Variants in MIR2052HG observed in about 807,000 individuals in gnomAD.
The protein encoded by MIR2052HG is MIR2052 host gene.
At chr8:74,606,897 C>T (rs1808119185) in intron 1 of MIR2052HG, among the ~76,000 whole-genome samples, 1 of 150,830 alleles carries the variant, frequency 6.6e-6, no homozygotes, top group African/African-American at 2.4e-5. Context: ...TAGTATGTAA[C>T]AAAGAAAAAA....
intron 2 of MIR2052HG, among the ~76,000 whole-genome samples, chr8:74,635,548 A>G (rs1423087281): frequency 6.6e-6 from 1 of 152,198 alleles, no homozygotes; most frequent in East Asian, 1.9e-4. Context: ...CCACTTGGCT[A>G]GAGTCGAGGG....
intron 4 of MIR2052HG, among the ~76,000 whole-genome samples, chr8:74,714,018 T>C (rs1809496747): frequency 6.6e-6 from 1 of 152,050 alleles, no homozygotes; most frequent in Non-Finnish European, 1.5e-5. Context: ...GACTCTCTCT[T>C]AGGAGATTCC....
chr8:74,658,663 G>C (rs1012782326), intron 2 of MIR2052HG, among the ~76,000 whole-genome samples: 3 of 152,216 alleles, frequency 2.0e-5, no homozygotes, highest in Admixed American at 2.0e-4. Context: ...GGGATTACAA[G>C]TGTGAACCAC....
intron 1 of MIR2052HG, among the ~76,000 whole-genome samples, chr8:74,600,942 T>C (rs1340881501): frequency 6.6e-6 from 1 of 152,190 alleles, no homozygotes; most frequent in Non-Finnish European, 1.5e-5. Flanking sequence ...ACATAGGTCT[T>C]ACTGGCCCTA....
chr8:74,687,743 T>C (rs1325963262), intron 2 of MIR2052HG, among the ~76,000 whole-genome samples: 4 of 152,134 alleles, frequency 2.6e-5, no homozygotes, highest in Admixed American at 2.6e-4. Context: ...AAAGAAGTTA[T>C]AGAGATCTGC....
At position 74,639,414 on chromosome 8, in the gene MIR2052HG, A is replaced by G. The variant is rs573654745; in HGVS notation, n.216+26474A>G. On this transcript the variant is annotated intron_variant and non_coding_transcript_variant, in intron 2 of 6. Transcript: ENST00000523442. ...CTTTCCTTTCATCATTTGGGCATAC[A>G]TATCCTAATAATCCAGAAAGTTTTT... 5.3e-5 allele frequency among the ~76,000 whole-genome samples: 8 copies of G among 152,306 alleles called. No homozygotes were observed. In the South Asian group the frequency reaches 1.7e-3, roughly 32 times the overall value.
intron 2 of MIR2052HG, among the ~76,000 whole-genome samples, chr8:74,700,325 G>T: frequency 6.6e-6 from 1 of 152,122 alleles, no homozygotes; most frequent in East Asian, 1.9e-4. Context: ...TATAAATTTG[G>T]AGTAGTTAAT....
rs558589518 is a variant in MIR2052HG at position 74,649,926 on chromosome 8, A to C, written n.216+36986A>C. Among the ~76,000 whole-genome samples, 5 of 152,164 alleles carry C rather than the reference A, an allele frequency of 3.3e-5. No individual in the cohort carries two copies. In the East Asian group the frequency reaches 7.7e-4, roughly 24 times the overall value. ...TCTAACCTTCATTATGCTTGCTTTTATTATTCCTATAAAGTGTCCTTCTAC... is the reference window on the plus strand; with the variant it reads ...TCTAACCTTCATTATGCTTGCTTTTCTTATTCCTATAAAGTGTCCTTCTAC... On this transcript the variant is annotated intron_variant and non_coding_transcript_variant, in intron 2 of 6. Transcript: ENST00000523442.
intron 1 of MIR2052HG, among the ~76,000 whole-genome samples, chr8:74,610,617 A>G (rs369179530): frequency 1.2e-3 from 178 of 152,100 alleles, no homozygotes; most frequent in Non-Finnish European, 2.1e-3. Flanking sequence ...TAAAGCTACA[A>G]TAATCAAAGC....
intron 1 of MIR2052HG, among the ~76,000 whole-genome samples, chr8:74,602,680 T>G (rs988323348): frequency 2.8e-4 from 42 of 151,752 alleles, no homozygotes; most frequent in African/African-American, 8.9e-4. Flanking sequence ...CCTGGCTAAT[T>G]TTTGTATTTT....
chr8:74,607,032 T>G (rs1356981819), intron 1 of MIR2052HG, among the ~76,000 whole-genome samples: 2 of 150,892 alleles, frequency 1.3e-5, no homozygotes, highest in East Asian at 1.9e-4. Context: ...GCAAAAAAAT[T>G]GAAAGATTGG....
At chr8:74,615,434 AG>A (rs987077719) in intron 2 of MIR2052HG, among the ~76,000 whole-genome samples, 16 of 152,208 alleles carry the variant, frequency 1.1e-4, no homozygotes, top group African/African-American at 3.4e-4. Context: ...GACTGGCAGA[AG>A]GTGGGTACAG....
chr8:74,635,938 A>G (rs754984915), intron 2 of MIR2052HG, among the ~76,000 whole-genome samples: 6 of 152,206 alleles, frequency 3.9e-5, no homozygotes, highest in Non-Finnish European at 5.9e-5. Context: ...TGACATATTA[A>G]GTAATGGAAA....
At chr8:74,649,008 A>T (rs932510994) in intron 2 of MIR2052HG, among the ~76,000 whole-genome samples, 1 of 152,112 alleles carries the variant, frequency 6.6e-6, no homozygotes, top group African/African-American at 2.4e-5. Context: ...GAAATTGTCT[A>T]GCAAAGAGAG....
intron 1 of MIR2052HG, chr8:74,603,895 C>T (rs1563509143): frequency 9.1e-7 from 1 of 1,098,684 alleles, no homozygotes; most frequent in Non-Finnish European, 1.4e-6. Context: ...GATCTTGCAA[C>T]CACCTTTTCC....
chr8:74,720,385 T>C (rs1809563541), intron 4 of MIR2052HG, among the ~76,000 whole-genome samples: 4 of 152,198 alleles, frequency 2.6e-5, no homozygotes, highest in Admixed American at 2.0e-4. Context: ...GTTGAAGTGG[T>C]AAATATGTAG....
chr8:74,651,562 GACAAAAA>G (rs1295511823), intron 2 of MIR2052HG, among the ~76,000 whole-genome samples: 1 of 152,054 alleles, frequency 6.6e-6, no homozygotes, highest in African/African-American at 2.4e-5. Flanking sequence ...TAGTGGAGAA[GACAAAAA>G]ACAAAAAACA....
chr8:74,754,638 A>G (rs887888917), intron 5 of MIR2052HG, among the ~76,000 whole-genome samples: 1 of 152,220 alleles, frequency 6.6e-6, no homozygotes, highest in African/African-American at 2.4e-5. Flanking sequence ...AGTGGTTTTC[A>G]GCCCCAGACT....
chr8:74,662,414 A>C (rs751321100), intron 2 of MIR2052HG, among the ~76,000 whole-genome samples: 2 of 150,444 alleles, frequency 1.3e-5, no homozygotes, highest in Non-Finnish European at 2.9e-5. Context: ...GGAGGCGAAC[A>C]TCACATACTG....
Sources: gnomAD v4.1 joint callset for allele counts (sites outside exome capture counted in the v4.1 genomes callset) on GRCh38, gnomAD v4.1.1 for gene constraint, MANE v1.5 for transcripts, NCBI Gene and HGNC (gene_info 2026-07-23, HGNC 2026-07-21) for gene names.